Variants in NLRP12 observed in about 807,000 individuals in gnomAD.
The protein encoded by NLRP12 is NACHT, LRR and PYD domains-containing protein 12.
NLRP12 carries 108 observed loss-of-function variants against 91.2 expected under a neutral mutation model. The observed-to-expected ratio is 1.18, with a 90% CI of 1.01 to 1.39. NLRP12 has a LOEUF of 1.39. Ranked by LOEUF, NLRP12 falls within the 40% of genes most tolerant of loss-of-function variation. NLRP12 has a pLI of 0.00. For synonymous variants in NLRP12, 613 were observed against 566.7 expected, an observed-to-expected ratio of 1.08 and a Z score of -1.16; for missense variants, 1,530 against 1,352.7, an observed-to-expected ratio of 1.13 and a Z score of -2.06.
At position 53,823,867 on chromosome 19, in the gene NLRP12, T is replaced by G; in HGVS notation, c.289+19A>C. On this transcript the variant is annotated intron_variant, in intron 1 of 9. Coordinates refer to ENST00000324134, the MANE Select transcript of NLRP12 (RefSeq NM_144687.4). ...ACCCGGCTGGCATTCTAGCCTTGCC[T>G]GTCCCGCCACCTCCTTACCCCTCAC... is the stretch of plus-strand genomic sequence containing the variant. 6.2e-7 allele frequency: 1 copy of G among 1,613,654 alleles called. No individual in the cohort carries two copies. Among genetic ancestry groups the G allele is most frequent in the Non-Finnish European group, 8.5e-7 (1 of 1,179,982 alleles).
intron 7 of NLRP12, among the ~76,000 whole-genome samples, chr19:53,800,587 CT>C (rs11290529): frequency 0.34 from 51,343 of 149,142 alleles, 9,189 homozygotes; most frequent in African/African-American, 0.46. Context: ...AAACCCCCCC[CT>C]TTTTTTTTTT....
In NLRP12 at chr19:53,815,006, G is replaced by T. The variant is rs748059766; in HGVS notation, c.290-18C>A. On this transcript the variant is annotated intron_variant, in intron 1 of 9. Coordinates refer to ENST00000324134, the MANE Select transcript of NLRP12 (RefSeq NM_144687.4). ...TGGGGTATCTGGAAGAGAAATTGTGGAAGATGAGCTAGCACGCATCTGGCT... is the reference window on the plus strand; with the variant it reads ...TGGGGTATCTGGAAGAGAAATTGTGTAAGATGAGCTAGCACGCATCTGGCT... 2 of 1,596,572 alleles carry T rather than the reference G, an allele frequency of 1.3e-6. No homozygotes were observed. Among genetic ancestry groups the T allele is most frequent in the East Asian group, 2.2e-5 (1 of 44,794 alleles).
At chr19:53,823,333 T>C (rs1370958832) in intron 1 of NLRP12, among the ~76,000 whole-genome samples, 2 of 138,228 alleles carry the variant, frequency 1.4e-5, no homozygotes, top group Non-Finnish European at 3.1e-5. Context: ...ATATACTATA[T>C]TTATATATAA....
chr19:53,811,387 G>A, intron 2 of NLRP12, 99 bp from the exon 3 acceptor site: 1 of 1,377,590 alleles, frequency 7.3e-7, no homozygotes, highest in Non-Finnish European at 1.0e-6. Flanking sequence ...GAAGGTGTGT[G>A]CCTGTAGTTC....
chr19:53,822,454 C>T (rs558590829), intron 1 of NLRP12, among the ~76,000 whole-genome samples: 2 of 151,522 alleles, frequency 1.3e-5, no homozygotes, highest in South Asian at 2.1e-4. Flanking sequence ...TCATCTTGGC[C>T]GGGCACAGTG....
intron 1 of NLRP12, among the ~76,000 whole-genome samples, chr19:53,823,260 T>C (rs1475929977): frequency 2.8e-5 from 4 of 141,264 alleles, no homozygotes; most frequent in Non-Finnish European, 4.6e-5. Flanking sequence ...ATAATATTTA[T>C]TATTTATATA....
chr19:53,809,595 C>T lies in NLRP12; in HGVS notation c.2064G>A (p.Leu688=), dbSNP rs753297093. 3.7e-6 allele frequency: 6 copies of T among 1,611,920 alleles called. 1 individual carries two copies. In the South Asian group the frequency reaches 6.6e-5, roughly 18 times the overall value. Residue 688 remains leucine (L), a synonymous_variant, in exon 3 of 10, where the codon TTG becomes TTA. Coordinates refer to ENST00000324134, the MANE Select transcript of NLRP12 (RefSeq NM_144687.4). ...ARCSAGAHTL[L]VQLPERTVLL... ...ACCCCAGGGATACTTACAGCTGCAC[C>T]AACAGCGTGTGCGCTCCTGCGGAGC... is the stretch of plus-strand genomic sequence containing the variant.
chr19:53,795,776 A>T (rs2091745049), intron 9 of NLRP12, 83 bp downstream of exon 9: 2 of 1,254,156 alleles, frequency 1.6e-6, no homozygotes, highest in East Asian at 4.8e-5. Context: ...TGCATAACGT[A>T]TTTGTCCATC....
intron 2 of NLRP12, among the ~76,000 whole-genome samples, chr19:53,811,764 A>C (rs967849822): frequency 6.6e-6 from 1 of 151,658 alleles, no homozygotes; most frequent in African/African-American, 2.4e-5. Flanking sequence ...ACGGGGTTTC[A>C]CTATGTTGGC....
chr19:53,794,352 TTC>T (rs886451755), intron 9 of NLRP12, among the ~76,000 whole-genome samples: 146 of 151,470 alleles, frequency 9.6e-4, no homozygotes, highest in African/African-American at 3.4e-3. Context: ...CACAGTCTCA[TTC>T]TGTCACCCAG....
chr19:53,797,207 C>G (rs773751320), intron 8 of NLRP12, among the ~76,000 whole-genome samples: 3 of 152,048 alleles, frequency 2.0e-5, no homozygotes, highest in Non-Finnish European at 4.4e-5. Context: ...TCTCCGCTCA[C>G]TGCAACCTCC....
At chr19:53,802,202 G>A (rs557572573) in intron 6 of NLRP12, among the ~76,000 whole-genome samples, 1 of 151,934 alleles carries the variant, frequency 6.6e-6, no homozygotes, top group Non-Finnish European at 1.5e-5. Flanking sequence ...ACTCCAGCCT[G>A]GGCAACAAGA....
chr19:53,798,254 G>C lies in NLRP12; in HGVS notation c.2916C>G (p.Leu972=). The change falls in exon 8 of 10, where the codon CTC becomes CTG. Residue 972 remains leucine (L), a synonymous_variant. Coordinates refer to ENST00000324134, the MANE Select transcript of NLRP12 (RefSeq NM_144687.4). ...AEGLQHPACR[L]QKLWLDSCGL... ...TCCCCGATGCTCACCACAGTTTCTG[G>C]AGTCTGCAGGCGGGATGTTGCAGCC... The C allele has an allele frequency of 3.7e-6, 6 of 1,614,168 alleles. No homozygotes were observed. The highest frequency in any genetic ancestry group is 5.1e-6 in the Non-Finnish European group (6 of 1,180,040).
rs944647701 is a variant in NLRP12, at chr19:53,793,982, G to C, written c.*67C>G. On this transcript the variant is annotated 3_prime_UTR_variant, in exon 10 of 10. Transcript: ENST00000324134. ...GAAGGAGGCTGATCATTATGCTGGG[G>C]GGGTGATGAGCACCCTCCCATCTTC... The C allele has an allele frequency of 1.9e-6, 2 of 1,040,596 alleles. No homozygotes were observed. Among genetic ancestry groups the C allele is most frequent in the Admixed American group, 3.4e-5 (2 of 59,146 alleles). 64.5% of individuals were successfully genotyped at this position (1,040,596 alleles called of 1,614,324 possible). A position where few individuals can be genotyped will look rare whatever the true frequency, so the allele number is the denominator to read the frequency against.
rs769787883 is a variant in NLRP12, at chr19:53,807,601, G to C, written c.2137C>G (p.Pro713Ala). The C allele has an allele frequency of 6.2e-7, 1 of 1,614,154 alleles. No individual in the cohort carries two copies. Among genetic ancestry groups the C allele is most frequent in the African/African-American group, 1.3e-5 (1 of 75,042 alleles). The change falls in exon 4 of 10, where the codon CCA (proline) becomes GCA (alanine). Residue 713 changes from proline to alanine, a missense_variant. Coordinates refer to ENST00000324134, the MANE Select transcript of NLRP12 (RefSeq NM_144687.4). ...TACAGAGACAGCTCTATCAGGTTTGGATTGGTGCACAGGGCCGCTGCCAGA... is the reference window on the plus strand; with the variant it reads ...TACAGAGACAGCTCTATCAGGTTTGCATTGGTGCACAGGGCCGCTGCCAGA... Reference protein sequence around the residue: ...EHLAAALCTNPNLIELSLYRN... With the variant: ...EHLAAALCTNANLIELSLYRN...
At chr19:53,804,399 T>TG (rs2091923517) in intron 5 of NLRP12, among the ~76,000 whole-genome samples, 1 of 72,320 alleles carries the variant, frequency 1.4e-5, no homozygotes. Flanking sequence ...TTGGGTTTTT[T>TG]TGTTTTTTTT....
rs1330489468 is a variant in NLRP12 at position 53,795,980 on chromosome 19, T to C, written c.2977A>G (p.Thr993Ala). ...GTCAAGGTCTGGTTGATCCCCAGGG[T>C]GAAGTAAAGATTCTCACAAGCCTTG... The part of the protein sequence containing the change: ...TAKACENLYF[T>A]LGINQTLTDL... The change falls in exon 9 of 10, where the codon ACC becomes GCC. Residue 993 changes from threonine (T) to alanine (A), a missense_variant. Coordinates refer to ENST00000324134, the MANE Select transcript of NLRP12 (RefSeq NM_144687.4). 6.2e-7 allele frequency: 1 copy of C among 1,614,058 alleles called. No individual in the cohort carries two copies. The highest frequency in any genetic ancestry group is 1.1e-5 in the South Asian group (1 of 91,084).
At chr19:53,808,376 C>A in intron 3 of NLRP12, 1 of 160,052 alleles carries the variant, frequency 6.2e-6, no homozygotes, top group Non-Finnish European at 1.4e-5. Context: ...TCTCTTGGGA[C>A]CATTGGCTTA....
At chr19:53,799,412 C>G (rs2091829953) in intron 7 of NLRP12, among the ~76,000 whole-genome samples, 1 of 152,114 alleles carries the variant, frequency 6.6e-6, no homozygotes. Flanking sequence ...ATACTAGTCA[C>G]TAGGAGATAC....
Sources: allele counts gnomAD v4.1 joint callset (sites outside exome capture counted in the v4.1 genomes callset), GRCh38; gene constraint gnomAD v4.1.1; transcripts MANE v1.5; gene names NCBI Gene and HGNC (gene_info 2026-07-23, HGNC 2026-07-21).